Variants in GSE1 observed in about 807,000 individuals in gnomAD.
GSE1 encodes the protein Gse1 coiled-coil protein, also known as genetic suppressor element 1.
In GSE1, 32 loss-of-function variants were observed where a neutral mutation model predicts 112.6. The ratio of observed to expected loss-of-function variants is 0.28; its 90% CI spans 0.21 to 0.38. GSE1 has a LOEUF of 0.38. Ranked by LOEUF, GSE1 falls within the 10% of genes least tolerant of loss-of-function variation. The pLI is 1.00. For synonymous variants in GSE1, 1,115 were observed against 735.6 expected (o/e 1.52, Z -8.35); for missense variants, 2,348 against 1,699.2 (o/e 1.38, Z -6.71).
At chr16:85,662,912 C>G (rs760592719) in intron 9 of GSE1, 69 bp from the exon 10 acceptor site, 2 of 1,085,456 alleles carry the variant, frequency 1.8e-6, no homozygotes, top group Non-Finnish European at 2.8e-6. Context: ...ACACATGAGG[C>G]CCTGCGGGCA....
In GSE1 at chr16:85,657,146, T is replaced by G. The variant is rs2052030606; in HGVS notation, c.1313-131T>G. ...TCCCGTAGGGCCCCTTCTGAATATC[T>G]TGGTTCTGGCTGCGGGAAGAACCCT... On this transcript the variant is annotated intron_variant, in intron 7 of 15. Transcript: ENST00000253458. The G allele has an allele frequency of 9.8e-6, 6 of 609,734 alleles. No homozygotes were observed. In the South Asian group the frequency reaches 1.4e-4, roughly 14 times the overall value. 37.8% of individuals were successfully genotyped at this position (609,734 alleles called of 1,614,324 possible). A position where few individuals can be genotyped will look rare whatever the true frequency, so the allele number is the denominator to read the frequency against.
chr16:85,173,634 A>G (rs1226611483), intron 1 of GSE1, among the ~76,000 whole-genome samples: 1 of 152,206 alleles, frequency 6.6e-6, no homozygotes, highest in Non-Finnish European at 1.5e-5. Flanking sequence ...AAATCCTCAA[A>G]CACAGGGTTT....
intron 2 of GSE1, among the ~76,000 whole-genome samples, chr16:85,478,023 G>A (rs866631171): frequency 2.6e-5 from 4 of 152,012 alleles, no homozygotes; most frequent in East Asian, 1.9e-4. Flanking sequence ...CGGTCACTCC[G>A]CGCTCCTCAT....
intron 2 of GSE1, among the ~76,000 whole-genome samples, chr16:85,512,332 C>T (rs931415837): frequency 6.6e-6 from 1 of 152,148 alleles, no homozygotes; most frequent in Non-Finnish European, 1.5e-5. Context: ...GCCAGGCACC[C>T]AGGACAGCTG....
intron 1 of GSE1, chr16:85,556,384 C>T (rs2045211590): frequency 1.0e-6 from 1 of 982,190 alleles, no homozygotes; most frequent in African/African-American, 1.7e-5. Flanking sequence ...CGTGCGCCTC[C>T]CTGGGTCCCG....
chr16:85,664,958 C>T, intron 11 of GSE1, 57 bp from the exon 12 acceptor site: 2 of 1,173,654 alleles, frequency 1.7e-6, no homozygotes, highest in Non-Finnish European at 1.3e-6. Flanking sequence ...TCCCGCTGTC[C>T]TTCTCTCCAA....
At chr16:85,302,448 G>GGGCCCC (rs141484739) in intron 1 of GSE1, among the ~76,000 whole-genome samples, 1 of 149,586 alleles carries the variant, frequency 6.7e-6, no homozygotes, top group African/African-American at 2.5e-5. Context: ...ACAGCACACC[G>GGGCCCC]CCCCCCCCCG....
At chr16:85,479,758 A>G (rs16975636) in intron 2 of GSE1, among the ~76,000 whole-genome samples, 5,732 of 152,120 alleles carry the variant, frequency 0.038, 335 homozygotes, top group African/African-American at 0.13. Context: ...CCGTGTGAAC[A>G]TTTTCCATGT....
At chr16:85,199,018 C>T (rs1231936035) in intron 1 of GSE1, among the ~76,000 whole-genome samples, 1 of 151,756 alleles carries the variant, frequency 6.6e-6, no homozygotes, top group Non-Finnish European at 1.5e-5. Context: ...GATCTTGGTT[C>T]ACCACAACCT....
intron 2 of GSE1, among the ~76,000 whole-genome samples, chr16:85,473,916 G>A (rs16975625): frequency 0.074 from 11,304 of 151,910 alleles, 655 homozygotes; most frequent in African/African-American, 0.16. Context: ...CGAAAAAAGA[G>A]CCGGAGCTGG....
chr16:85,627,181 C>T (rs2049154394), intron 1 of GSE1, among the ~76,000 whole-genome samples: 1 of 140,484 alleles, frequency 7.1e-6, no homozygotes, highest in Non-Finnish European at 1.5e-5. Context: ...GGGGTGGGGG[C>T]CTCACCCGGG....
intron 1 of GSE1, among the ~76,000 whole-genome samples, chr16:85,618,351 C>T (rs770685771): frequency 2.0e-5 from 3 of 152,264 alleles, no homozygotes; most frequent in African/African-American, 7.2e-5. Flanking sequence ...CTGTAATGCC[C>T]GCCACATGCC....
intron 1 of GSE1, among the ~76,000 whole-genome samples, chr16:85,183,822 C>T (rs1053005696): frequency 6.6e-6 from 1 of 152,214 alleles, no homozygotes; most frequent in Non-Finnish European, 1.5e-5. Context: ...AGCAGCAGAG[C>T]TGACATGGGA....
At chr16:85,537,563 C>T (rs2151198973) in intron 2 of GSE1, among the ~76,000 whole-genome samples, 1 of 152,326 alleles carries the variant, frequency 6.6e-6, no homozygotes, top group Admixed American at 6.5e-5. Flanking sequence ...CAGGAACCCC[C>T]TGTGGGAGGA....
intron 1 of GSE1, among the ~76,000 whole-genome samples, chr16:85,192,478 T>C (rs1019015914): frequency 7.2e-5 from 11 of 152,240 alleles, no homozygotes; most frequent in African/African-American, 1.7e-4. Flanking sequence ...AGGAGTTTCA[T>C]TGGGTGCATA....
intron 1 of GSE1, among the ~76,000 whole-genome samples, chr16:85,266,649 C>T (rs990492830): frequency 1.5e-4 from 23 of 152,034 alleles, no homozygotes; most frequent in African/African-American, 5.5e-4. Flanking sequence ...CCTTTTACCC[C>T]CTACCTCTCC....
chr16:85,500,256 C>T (rs986494045), intron 2 of GSE1, among the ~76,000 whole-genome samples: 5 of 152,138 alleles, frequency 3.3e-5, no homozygotes, highest in South Asian at 2.1e-4. Flanking sequence ...CAAATGGGAA[C>T]GTGTTTTGTA....
intron 2 of GSE1, among the ~76,000 whole-genome samples, chr16:85,472,788 A>T (rs2050336135): frequency 6.6e-6 from 1 of 152,226 alleles, no homozygotes; most frequent in Non-Finnish European, 1.5e-5. Flanking sequence ...TGTCACCATG[A>T]CATGGATCCA....
At chr16:85,378,144 G>A (rs1392789152) in intron 2 of GSE1, among the ~76,000 whole-genome samples, 3 of 152,178 alleles carry the variant, frequency 2.0e-5, no homozygotes, top group African/African-American at 7.2e-5. Flanking sequence ...GCCAGTGGGG[G>A]CCAGCTTGGG....
Sources: gnomAD v4.1 joint callset for allele counts (sites outside exome capture counted in the v4.1 genomes callset) on GRCh38, gnomAD v4.1.1 for gene constraint, MANE v1.5 for transcripts, NCBI Gene and HGNC (gene_info 2026-07-23, HGNC 2026-07-21) for gene names.